The following DNER variants were observed in gnomAD, a reference collection of about 807,000 sequenced individuals.
DNER encodes the protein delta and Notch-like epidermal growth factor-related receptor.
Under a neutral mutation model 78.2 loss-of-function variants are expected in DNER, and 33 were observed. The observed-to-expected ratio is 0.42, with a 90% CI of 0.32 to 0.56. The LOEUF (loss-of-function observed/expected upper bound fraction) is 0.56, where lower values mean the gene tolerates loss of function less well. DNER is among the 20% of genes least tolerant of loss of function. The pLI, the probability that DNER is intolerant of heterozygous loss-of-function variation, is 0.11. For synonymous variants in DNER, 417 were observed against 384.8 expected, an observed-to-expected ratio of 1.08 and a Z score of -0.98; for missense variants, 918 against 975.3, an observed-to-expected ratio of 0.94 and a Z score of 0.78.
At chr2:229,554,944 GGGA>G (rs1696829703) in intron 4 of DNER, among the ~76,000 whole-genome samples, 26 of 75,544 alleles carry the variant, frequency 3.4e-4, no homozygotes, top group African/African-American at 1.2e-3. Context: ...AGAGAGAAAA[GGGA>G]AGGGAAGGGA....
Position 229,591,486 on chromosome 2 carries a change from G to A in DNER, c.585+94C>T. The A allele has an allele frequency of 7.1e-7, 1 of 1,410,678 alleles. No homozygotes were observed. The highest frequency in any genetic ancestry group is 9.4e-7 in the Non-Finnish European group (1 of 1,058,626). The allele number at this position is 1,410,678 out of a possible 1,614,324, so 87.4% of individuals were successfully genotyped here. ...TTTGCTTCGTGATTTAACTTAAAAT[G>A]CTTTCATTTTTAATTGCTGATACTA... On this transcript the variant is annotated intron_variant, in intron 2 of 12. Transcript: ENST00000341772. This position sits in a 1 kb window ranked among gnomAD's most constrained non-coding sequence, Gnocchi z 4.6.
chr2:229,612,826 C>T lies in DNER; in HGVS notation c.277-20938G>A, dbSNP rs112141943. On this transcript the variant is annotated intron_variant, in intron 1 of 12. Transcript: ENST00000341772. ...ACTTTCCCTATCACATCTACACACA[C>T]GGGGAGAGAGAACTGGATGAACTAA... Among the ~76,000 whole-genome samples, 9 of 152,142 alleles carry T rather than the reference C, an allele frequency of 5.9e-5. No homozygotes were observed. The South Asian group carries it at 6.2e-4, about 10-fold the overall frequency.
chr2:229,444,175 G>T (rs554793353), intron 8 of DNER, among the ~76,000 whole-genome samples: 1 of 152,164 alleles, frequency 6.6e-6, no homozygotes, highest in African/African-American at 2.4e-5. Context: ...GAGAATAGAC[G>T]GAAGGAAAGT....
intron 8 of DNER, among the ~76,000 whole-genome samples, chr2:229,433,569 T>A (rs1006287745): frequency 1.3e-5 from 2 of 152,208 alleles, no homozygotes; most frequent in Non-Finnish European, 2.9e-5. Flanking sequence ...GAGTCACACA[T>A]GCCTAAGCGG....
chr2:229,463,326 T>C (rs2154210919), intron 7 of DNER, among the ~76,000 whole-genome samples: 1 of 152,300 alleles, frequency 6.6e-6, no homozygotes, highest in East Asian at 1.9e-4. Flanking sequence ...TTGACAAATA[T>C]GGATGGGGTT....
At chr2:229,458,427 T>G (rs1242711393) in intron 7 of DNER, among the ~76,000 whole-genome samples, 1 of 151,958 alleles carries the variant, frequency 6.6e-6, no homozygotes. Flanking sequence ...AAGCCCTTTC[T>G]TAGTAACTGA....
chr2:229,512,028 C>A (rs1695871986), intron 6 of DNER, among the ~76,000 whole-genome samples: 1 of 152,164 alleles, frequency 6.6e-6, no homozygotes, highest in East Asian at 1.9e-4. Context: ...GCCCATCAAT[C>A]AACGAGTGGA....
intron 1 of DNER, among the ~76,000 whole-genome samples, chr2:229,626,075 G>A (rs1357500873): frequency 6.6e-6 from 1 of 152,046 alleles, no homozygotes; most frequent in Non-Finnish European, 1.5e-5. Context: ...ACCCACAACA[G>A]TGCCTGGCTA....
chr2:229,697,959 G>A (rs1699687237), intron 1 of DNER, among the ~76,000 whole-genome samples: 1 of 152,210 alleles, frequency 6.6e-6, no homozygotes, highest in Admixed American at 6.5e-5. Flanking sequence ...GGAGGCCAAG[G>A]CAGGGGGACT....
intron 8 of DNER, among the ~76,000 whole-genome samples, chr2:229,441,174 A>C (rs1024573732): frequency 6.6e-6 from 1 of 151,778 alleles, no homozygotes; most frequent in Non-Finnish European, 1.5e-5. Flanking sequence ...CTCCTCCCCC[A>C]TGACCCAGGA....
At chr2:229,532,164 C>T (rs1696314878) in intron 5 of DNER, among the ~76,000 whole-genome samples, 2 of 152,140 alleles carry the variant, frequency 1.3e-5, no homozygotes, top group South Asian at 4.1e-4. Flanking sequence ...TTGAATTTCA[C>T]CTCCATTTTT....
intron 7 of DNER, among the ~76,000 whole-genome samples, chr2:229,452,667 A>C (rs181886357): frequency 5.3e-5 from 8 of 152,122 alleles, no homozygotes; most frequent in Admixed American, 5.2e-4. Context: ...CTTGCTCCGT[A>C]GCCCAGGCTG....
intron 7 of DNER, among the ~76,000 whole-genome samples, chr2:229,475,096 C>T (rs548334916): frequency 1.4e-4 from 22 of 152,350 alleles, no homozygotes; most frequent in African/African-American, 5.0e-4. Context: ...AGGCACTGTG[C>T]TAGGCACTTT....
intron 6 of DNER, among the ~76,000 whole-genome samples, chr2:229,483,720 G>A (rs1312539576): frequency 6.6e-6 from 1 of 152,034 alleles, no homozygotes; most frequent in Non-Finnish European, 1.5e-5. Flanking sequence ...CACACTGCAG[G>A]GCTGTTTCCT....
chr2:229,610,809 G>A (rs1698032879), intron 1 of DNER, among the ~76,000 whole-genome samples: 1 of 152,216 alleles, frequency 6.6e-6, no homozygotes, highest in African/African-American at 2.4e-5. Context: ...TGCCAATATG[G>A]CAATGTGTAC....
At chr2:229,493,581 G>A (rs1559147987) in intron 6 of DNER, among the ~76,000 whole-genome samples, 2 of 152,146 alleles carry the variant, frequency 1.3e-5, no homozygotes, top group Non-Finnish European at 2.9e-5. Flanking sequence ...GGGACAGAGG[G>A]AAGAGGAAGA....
chr2:229,687,462 T>C (rs931587209), intron 1 of DNER, among the ~76,000 whole-genome samples: 35 of 151,936 alleles, frequency 2.3e-4, no homozygotes, highest in African/African-American at 8.4e-4. Context: ...TAGGGTTTCA[T>C]CATGTTGGCC....
At chr2:229,549,473 T>A (rs1696687642) in intron 4 of DNER, among the ~76,000 whole-genome samples, 1 of 152,168 alleles carries the variant, frequency 6.6e-6, no homozygotes, top group Non-Finnish European at 1.5e-5. Context: ...ACCTGGATAA[T>A]TTCTGTATTG....
intron 1 of DNER, among the ~76,000 whole-genome samples, chr2:229,689,298 C>T (rs1408809168): frequency 6.6e-6 from 1 of 152,092 alleles, no homozygotes; most frequent in Non-Finnish European, 1.5e-5. Context: ...CTGATTTCTC[C>T]CAAAGCTGCT....
Sources: gnomAD v4.1 joint callset for allele counts (sites outside exome capture counted in the v4.1 genomes callset) on GRCh38, gnomAD v4.1.1 for gene constraint, Gnocchi (gnomAD v3.1) non-coding constraint, MANE v1.5 for transcripts, NCBI Gene and HGNC (gene_info 2026-07-23, HGNC 2026-07-21) for gene names.